Variants in RGS3 observed in about 807,000 individuals in gnomAD.
RGS3 encodes the protein regulator of G-protein signalling 3.
In RGS3, 80 loss-of-function variants were observed where a neutral mutation model predicts 132.6. The ratio of observed to expected loss-of-function variants is 0.60; its 90% CI spans 0.50 to 0.73. The LOEUF is 0.73. RGS3 is among the 30% of genes least tolerant of loss of function. The pLI, the probability that RGS3 is intolerant of heterozygous loss-of-function variation, is 0.00. For missense variants in RGS3, 1,382 were observed against 1,530.8 expected, an observed-to-expected ratio of 0.90 and a Z score of 1.62; for synonymous variants, 598 against 620.6, an observed-to-expected ratio of 0.96 and a Z score of 0.54.
intron 19 of RGS3, among the ~76,000 whole-genome samples, chr9:113,566,183 T>C (rs939212552): frequency 7.9e-5 from 12 of 152,176 alleles, no homozygotes; most frequent in African/African-American, 2.6e-4. Context: ...GAAGAGGTGG[T>C]CTCTGGAACT....
chr9:113,467,653 A>G (rs1223752410), intron 3 of RGS3, among the ~76,000 whole-genome samples: 5 of 152,106 alleles, frequency 3.3e-5, no homozygotes, highest in East Asian at 1.9e-4. Flanking sequence ...ATGATTTGCA[A>G]ATATTTTCTC....
rs1329434995 is a variant in RGS3, at chr9:113,506,977, G to A, written c.1086-310G>A. On this transcript the variant is annotated intron_variant, in intron 12 of 24. Transcript: ENST00000350696. This position sits in a 1 kb window ranked among gnomAD's most constrained non-coding sequence, Gnocchi z 4.7. ...GGGCTTGCACTTAGGTGACCTGCTA[G>A]CTTTACTTGCTTATATCTTGCTTTT... Among the ~76,000 whole-genome samples the A allele has an allele frequency of 2.0e-5, 3 of 152,152 alleles. No individual in the cohort carries two copies. Among genetic ancestry groups the A allele is most frequent in the African/African-American group, 7.2e-5 (3 of 41,422 alleles).
exon 25 of RGS3, chr9:113,597,523 T>C (rs1835846924): frequency 6.5e-6 from 1 of 152,746 alleles, no homozygotes; most frequent in African/African-American, 2.4e-5. Flanking sequence ...ATTCTCCAGC[T>C]TCAGGGGATA....
At position 113,580,494 on chromosome 9, in the gene RGS3, C is replaced by T. The variant is rs574493487; in HGVS notation, c.2038-2956C>T. Among the ~76,000 whole-genome samples, 20 of 152,350 alleles carry T rather than the reference C, an allele frequency of 1.3e-4. No individual in the cohort carries two copies. The South Asian group carries it at 2.7e-3, about 21-fold the overall frequency. On this transcript the variant is annotated intron_variant, in intron 19 of 24. Coordinates refer to ENST00000350696, the Ensembl canonical transcript of RGS3. ...TAGTCCTGTGAGTCCAGTATGATAT[C>T]ACTGGGCTCAATTCCAGATGAGGAA...
chr9:113,561,068 G>A (rs1410960850), intron 19 of RGS3, among the ~76,000 whole-genome samples: 4 of 152,118 alleles, frequency 2.6e-5, no homozygotes, highest in Non-Finnish European at 5.9e-5. Flanking sequence ...CTGTTGCCCA[G>A]GCTGGAGTGC....
rs143857237 is a variant in RGS3, at chr9:113,567,990, G to T, written c.2038-15460G>T. Among the ~76,000 whole-genome samples, 231 of 152,362 alleles carry T rather than the reference G, an allele frequency of 1.5e-3. 1 individual carries two copies. Among genetic ancestry groups the T allele is most frequent in the African/African-American group, 5.2e-3 (215 of 41,582 alleles). ...TTGGCCTCTTAAGGCCCTGGAGATG[G>T]CAGTCTCTTTGCCTTCTATTAGGTT... On this transcript the variant is annotated intron_variant, in intron 19 of 24. Transcript: ENST00000350696.
intron 19 of RGS3, among the ~76,000 whole-genome samples, chr9:113,561,586 ATT>A (rs1181886025): frequency 8.3e-5 from 11 of 133,244 alleles, no homozygotes; most frequent in Non-Finnish European, 6.4e-5. Context: ...CTAATTTTTA[ATT>A]TTTTTTTTTT....
intron 1 of RGS3, among the ~76,000 whole-genome samples, chr9:113,453,190 G>T (rs1183761529): frequency 2.6e-4 from 30 of 116,996 alleles, no homozygotes; most frequent in African/African-American, 7.6e-4. Context: ...CTCATTATAT[G>T]ATTACATAAT....
At chr9:113,583,310 G>GAA in intron 19 of RGS3, 140 bp from the exon 18 acceptor site, 1 of 1,414,696 alleles carries the variant, frequency 7.1e-7, no homozygotes, top group Non-Finnish European at 9.3e-7. Context: ...GGGCTTTGGG[G>GAA]GTTCCATCTG....
At chr9:113,527,938 G>C (rs923199885) in intron 17 of RGS3, among the ~76,000 whole-genome samples, 1 of 152,222 alleles carries the variant, frequency 6.6e-6, no homozygotes, top group Non-Finnish European at 1.5e-5. Context: ...TGAGAGGTGG[G>C]CTGTGTAGTG....
At chr9:113,589,248 C>T (rs915680667) in intron 20 of RGS3, 3 of 152,282 alleles carry the variant, frequency 2.0e-5, no homozygotes, top group South Asian at 2.1e-4. Flanking sequence ...TCTGAGGAGC[C>T]ACTCTGGCCC....
chr9:113,509,739 G>A (rs929384751), intron 14 of RGS3, among the ~76,000 whole-genome samples: 6 of 152,006 alleles, frequency 3.9e-5, no homozygotes. Flanking sequence ...GTGTGAAGGC[G>A]ATGCTTCTAG....
At chr9:113,505,609 C>T (rs1239224689) in intron 11 of RGS3, 86 bp downstream of exon 9, 5 of 1,080,390 alleles carry the variant, frequency 4.6e-6, no homozygotes, top group Non-Finnish European at 7.1e-6. Context: ...AAAAGGGGAG[C>T]CCCAAACTGG....
At position 113,532,827 on chromosome 9, in the gene RGS3, G is replaced by A. The variant is rs146208264; in HGVS notation, c.1914+3563G>A. ...TCTTTCATACTTTTGTAGGGAGGGG[G>A]ACACCATCCTGGAGCTTAGAGCAGT... On this transcript the variant is annotated intron_variant, in intron 18 of 24. Transcript: ENST00000350696. 7.6e-4 allele frequency among the ~76,000 whole-genome samples: 115 copies of A among 151,868 alleles called. 1 individual carries two copies. Among genetic ancestry groups the A allele is most frequent in the African/African-American group, 2.5e-3 (103 of 41,434 alleles).
intron 14 of RGS3, among the ~76,000 whole-genome samples, chr9:113,512,663 C>G (rs1324088505): frequency 6.6e-6 from 1 of 152,142 alleles, no homozygotes; most frequent in Admixed American, 6.5e-5. Context: ...CTGTTCCCCC[C>G]TCGCTGCCAG....
chr9:113,568,529 C>G (rs567447354), intron 19 of RGS3, among the ~76,000 whole-genome samples: 1 of 152,372 alleles, frequency 6.6e-6, no homozygotes, highest in Non-Finnish European at 1.5e-5. Context: ...AGGCCGTCTC[C>G]TCTTCCTGGC....
Position 113,591,595 on chromosome 9 carries a change from C to A in RGS3, c.3080+198C>A. The A allele has an allele frequency of 1.8e-6, 1 of 571,246 alleles. No homozygotes were observed. The highest frequency in any genetic ancestry group is 3.2e-6 in the Non-Finnish European group (1 of 317,306). 35.4% of individuals were successfully genotyped at this position (571,246 alleles called of 1,614,324 possible). A position where few individuals can be genotyped will look rare whatever the true frequency, so the allele number is the denominator to read the frequency against. ...GGGTCACCTGGGTCCTGAGCATTCT[C>A]TCCAAGTGAGGCAAAGTGCTGATTC... On this transcript the variant is annotated intron_variant, in intron 21 of 24. Transcript: ENST00000350696. The surrounding 1 kb of genome is among the most constrained non-coding windows in gnomAD (Gnocchi z 4.4).
At chr9:113,585,638 GA>G (rs1835081307) in intron 20 of RGS3, among the ~76,000 whole-genome samples, 1 of 152,246 alleles carries the variant, frequency 6.6e-6, no homozygotes, top group Non-Finnish European at 1.5e-5. Context: ...AGAATAAACA[GA>G]GAGGTAGAGG....
At chr9:113,518,340 G>A (rs1203573304) in intron 16 of RGS3, among the ~76,000 whole-genome samples, 6 of 152,216 alleles carry the variant, frequency 3.9e-5, no homozygotes, top group Non-Finnish European at 8.8e-5. Flanking sequence ...GAGTCGAGTG[G>A]CAGCTTGGGG....
Sources: allele counts gnomAD v4.1 joint callset (sites outside exome capture counted in the v4.1 genomes callset), GRCh38; gene constraint gnomAD v4.1.1; non-coding constraint Gnocchi (gnomAD v3.1); transcripts MANE v1.5; gene names NCBI Gene and HGNC (gene_info 2026-07-23, HGNC 2026-07-21).